The following CAMK2G variants were observed in gnomAD, a reference collection of about 807,000 sequenced individuals.
CAMK2G encodes the protein calcium/calmodulin dependent protein kinase II gamma, also known as calcium/calmodulin-dependent protein kinase type II subunit gamma.
Under a neutral mutation model 88.7 loss-of-function variants are expected in CAMK2G, and 23 were observed. The ratio of observed to expected loss-of-function variants is 0.26; its 90% CI spans 0.19 to 0.37. The LOEUF (loss-of-function observed/expected upper bound fraction) is 0.37, where lower values mean the gene tolerates loss of function less well. Ranked by LOEUF, CAMK2G falls within the 10% of genes least tolerant of loss-of-function variation. CAMK2G has a pLI of 1.00. For missense variants in CAMK2G, 476 were observed against 780.8 expected (o/e 0.61, Z 4.65); for synonymous variants, 263 against 294.8 (o/e 0.89, Z 1.11).
chr10:73,840,022 G>A (rs2093645453), intron 12 of CAMK2G, among the ~76,000 whole-genome samples: 2 of 152,106 alleles, frequency 1.3e-5, no homozygotes, highest in Admixed American at 1.3e-4. Flanking sequence ...TGAGAGTGCC[G>A]GGGGCGCAGA....
intron 14 of CAMK2G, 100 bp downstream of exon 14, chr10:73,837,368 T>C (rs1590347237): frequency 4.3e-6 from 4 of 923,782 alleles, no homozygotes; most frequent in Admixed American, 1.7e-5. Flanking sequence ...CTAGCAAGGA[T>C]AGGAAGATTC....
chr10:73,814,960 T>G, intron 22 of CAMK2G, 43 bp downstream of exon 22: 1 of 1,379,374 alleles, frequency 7.2e-7, no homozygotes, highest in Non-Finnish European at 1.0e-6. Context: ...ACCCCACCTA[T>G]CCCAGGCCCT....
chr10:73,852,581 A>T (rs1224264027), intron 4 of CAMK2G: 1 of 494,106 alleles, frequency 2.0e-6, no homozygotes, highest in Admixed American at 3.5e-5. Context: ...AGAGATGAAG[A>T]TACAGGGATC....
chr10:73,849,153 C>T (rs2134886840), intron 6 of CAMK2G, 38 bp from the exon 7 acceptor site: 1 of 1,588,420 alleles, frequency 6.3e-7, no homozygotes, highest in Non-Finnish European at 8.6e-7. Flanking sequence ...GAGCACCCAC[C>T]CTGCAGCCCA....
At chr10:73,814,704 A>AAATG in intron 22 of CAMK2G, 199 bp from the exon 23 acceptor site, 1 of 369,080 alleles carries the variant, frequency 2.7e-6, no homozygotes, top group Non-Finnish European at 5.1e-6. Context: ...TATCTTACTT[A>AAATG]ATCCTCACAA....
At position 73,818,414 on chromosome 10, in the gene CAMK2G, C is replaced by T. The variant is rs1428784694; in HGVS notation, c.1364-860G>A. 7 of 307,718 alleles carry T rather than the reference C, an allele frequency of 2.3e-5. No individual in the cohort carries two copies. In the Admixed American group the frequency reaches 2.7e-4, roughly 12 times the overall value. 19.1% of individuals were successfully genotyped at this position (307,718 alleles called of 1,614,324 possible). A position where few individuals can be genotyped will look rare whatever the true frequency, so the allele number is the denominator to read the frequency against. On this transcript the variant is annotated intron_variant, in intron 19 of 22. Transcript: ENST00000423381. ...CTCTTATAGGGAATGCCACTACCAG[C>T]AGGGGCTGCCACCAGGGTAAGGGAG...
rs768568262 is a variant in CAMK2G at position 73,860,904 on chromosome 10, G to GA, written c.161-16dup. 1.9e-6 allele frequency: 3 copies of GA among 1,607,612 alleles called. No homozygotes were observed. Among genetic ancestry groups the GA allele is most frequent in the Non-Finnish European group, 1.7e-6 (2 of 1,174,338 alleles). On this transcript the variant is annotated splice_polypyrimidine_tract_variant and intron_variant, in intron 2 of 22. Coordinates refer to ENST00000423381, the MANE Select transcript of CAMK2G (RefSeq NM_001367534.1). Reference sequence around the variant, plus strand: ...TTTCTGGTGATCTAAAAGCAGAAGAGAAAAAACAAAAGCCATCAACCATCC... The same window carrying GA: ...TTTCTGGTGATCTAAAAGCAGAAGAGAAAAAAACAAAAGCCATCAACCATCC...
intron 10 of CAMK2G, among the ~76,000 whole-genome samples, chr10:73,844,003 T>C (rs981059590): frequency 5.3e-5 from 8 of 152,180 alleles, no homozygotes; most frequent in African/African-American, 1.9e-4. Context: ...GTCCAAACCT[T>C]TGCTTCCTCA....
chr10:73,849,233 G>A, intron 6 of CAMK2G, 28 bp downstream of exon 6: 1 of 1,601,968 alleles, frequency 6.2e-7, no homozygotes, highest in Non-Finnish European at 8.6e-7. Flanking sequence ...TTCATGAGCA[G>A]AGGCACGGAG....
At chr10:73,858,976 G>C (rs2095239605) in intron 3 of CAMK2G, among the ~76,000 whole-genome samples, 1 of 152,340 alleles carries the variant, frequency 6.6e-6, no homozygotes, top group East Asian at 1.9e-4. Flanking sequence ...TCTGCTTCCT[G>C]CATCACTGAC....
At chr10:73,863,181 G>A (rs1295194840) in intron 2 of CAMK2G, among the ~76,000 whole-genome samples, 3 of 152,210 alleles carry the variant, frequency 2.0e-5, no homozygotes, top group African/African-American at 7.2e-5. Context: ...AGTTCCTGCT[G>A]CCCAGCTAAT....
At chr10:73,820,351 AAATGTGG>A (rs2087531420) in intron 18 of CAMK2G, among the ~76,000 whole-genome samples, 1 of 151,450 alleles carries the variant, frequency 6.6e-6, no homozygotes, top group African/African-American at 2.4e-5. Context: ...GGACATGACC[AAATGTGG>A]CCTCACGGTT....
At chr10:73,815,769 C>A (rs994232634) in intron 21 of CAMK2G, 3 of 982,026 alleles carry the variant, frequency 3.1e-6, no homozygotes, top group African/African-American at 3.5e-5. Context: ...TTTTAAGGCA[C>A]CAAAGCTGAA....
rs117118277 is a variant in CAMK2G at position 73,866,219 on chromosome 10, G to T, written c.161-5330C>A. Among the ~76,000 whole-genome samples the T allele has an allele frequency of 9.5e-3, 1,451 of 152,320 alleles. 8 individuals are homozygous for T. The highest frequency in any genetic ancestry group is 0.082 in the Middle Eastern group (24 of 294). On this transcript the variant is annotated intron_variant, in intron 2 of 22. Coordinates refer to ENST00000423381, the MANE Select transcript of CAMK2G (RefSeq NM_001367534.1). ...CCAAGGTGCCACGATTTCACAGGAA[G>T]GGCAGCAAGAAGTGACCAGATGCAC...
chr10:73,815,042 T>C lies in CAMK2G; in HGVS notation c.1740A>G (p.Ser580=). The C allele has an allele frequency of 1.2e-6, 2 of 1,613,798 alleles. No homozygotes were observed. The highest frequency in any genetic ancestry group is 2.2e-5 in the East Asian group (1 of 44,852). ...GKWLNVHYHC[S]GAPAAPLQ Reference sequence around the variant, plus strand: ...ACTGCAGCGGTGCGGCAGGGGCCCCTGAGCAGTGATAGTGGACATTGAGCC... The same window carrying C: ...ACTGCAGCGGTGCGGCAGGGGCCCCCGAGCAGTGATAGTGGACATTGAGCC... The change falls in exon 22 of 23, where the codon TCA becomes TCG. Residue 580 remains serine (S), a synonymous_variant. Transcript: ENST00000423381.
rs2084838549 is a variant in CAMK2G at position 73,814,622 on chromosome 10, T to C, written c.*13-117A>G. On this transcript the variant is annotated intron_variant, in intron 22 of 22. Coordinates refer to ENST00000423381, the MANE Select transcript of CAMK2G (RefSeq NM_001367534.1). ...AGTCGGCCTGAGAAGGTGGGGAAAG[T>C]GGGTGAAGCTAATGCTTAAATACAA... The C allele has an allele frequency of 3.0e-5, 6 of 200,264 alleles. No individual in the cohort carries two copies. In the South Asian group the frequency reaches 3.8e-4, roughly 13 times the overall value. The allele number at this position is 200,264 out of a possible 1,614,324, so 12.4% of individuals were successfully genotyped here.
rs185611726 is a variant in CAMK2G, at chr10:73,858,041, C to A, written c.220+2789G>T. Among the ~76,000 whole-genome samples the A allele has an allele frequency of 2.3e-3, 346 of 152,318 alleles. 2 individuals carry two copies. Among genetic ancestry groups the A allele is most frequent in the Non-Finnish European group, 2.6e-3 (176 of 68,038 alleles). ...CCCACTAGAGTGGTGGATTTGTTACCGTCTATGAACCCACATTGACTCATC... is the reference window on the plus strand; with the variant it reads ...CCCACTAGAGTGGTGGATTTGTTACAGTCTATGAACCCACATTGACTCATC... On this transcript the variant is annotated intron_variant, in intron 3 of 22. Coordinates refer to ENST00000423381, the MANE Select transcript of CAMK2G (RefSeq NM_001367534.1).
chr10:73,844,566 C>T lies in CAMK2G; in HGVS notation c.820-2025G>A, dbSNP rs147115553. ...GGGATTATAGGTGTGTACCAACATA[C>T]CCAGCTAATTTTTTGTATTTTTAGT... On this transcript the variant is annotated intron_variant, in intron 10 of 22. Transcript: ENST00000423381. 8.4e-3 allele frequency among the ~76,000 whole-genome samples: 1,270 copies of T among 152,072 alleles called. 14 individuals are homozygous for T. The highest frequency in any genetic ancestry group is 0.029 in the African/African-American group (1,210 of 41,454).
At chr10:73,872,856 G>C in intron 2 of CAMK2G, 133 bp downstream of exon 2, 3 of 733,120 alleles carry the variant, frequency 4.1e-6, no homozygotes, top group Non-Finnish European at 7.5e-6. Context: ...CTGACACAAA[G>C]TCCAACCAGT....
Sources: gnomAD v4.1 joint callset for allele counts (sites outside exome capture counted in the v4.1 genomes callset) on GRCh38, gnomAD v4.1.1 for gene constraint, MANE v1.5 for transcripts, NCBI Gene and HGNC (gene_info 2026-07-23, HGNC 2026-07-21) for gene names.